SNTG1: variants seen among roughly 807,000 people sequenced by gnomAD.
SNTG1 encodes syntrophin gamma 1.
SNTG1 carries 39 observed loss-of-function variants against 74.7 expected under a neutral mutation model. The ratio of observed to expected loss-of-function variants is 0.52; its 90% CI spans 0.40 to 0.68. The LOEUF (loss-of-function observed/expected upper bound fraction) is 0.68, where lower values mean the gene tolerates loss of function less well. Among genes scored for constraint, SNTG1 ranks in the 30% least tolerant of loss-of-function variants. The pLI, the probability that SNTG1 is intolerant of heterozygous loss-of-function variation, is 0.00. For synonymous variants in SNTG1, 254 were observed against 217.1 expected, an observed-to-expected ratio of 1.17 and a Z score of -1.49; for missense variants, 685 against 609.5, an observed-to-expected ratio of 1.12 and a Z score of -1.30.
intron 18 of SNTG1, among the ~76,000 whole-genome samples, chr8:50,787,026 T>C (rs1231992626): frequency 4.6e-5 from 7 of 151,804 alleles, no homozygotes; most frequent in African/African-American, 1.4e-4. Flanking sequence ...TGCTGAGTAA[T>C]ACTATAAAAA....
chr8:50,236,116 A>C (rs1486617696), intron 2 of SNTG1, among the ~76,000 whole-genome samples: 1 of 152,120 alleles, frequency 6.6e-6, no homozygotes, highest in Non-Finnish European at 1.5e-5. Flanking sequence ...AAGATGGTAC[A>C]ATTTTATCTG....
At chr8:49,942,987 T>C (rs7828900) in intron 1 of SNTG1, among the ~76,000 whole-genome samples, 15,258 of 152,246 alleles carry the variant, frequency 0.1, 1,090 homozygotes, top group South Asian at 0.2. Context: ...TTGCAATTTC[T>C]CTTCATAAGA....
chr8:50,787,416 CT>C (rs2095678872), intron 18 of SNTG1, among the ~76,000 whole-genome samples: 2 of 151,784 alleles, frequency 1.3e-5, no homozygotes, highest in Non-Finnish European at 2.9e-5. Flanking sequence ...AATGTGGTAA[CT>C]CATTTAAACA....
rs1269287734 is a variant in SNTG1, at chr8:50,525,216, TATA to T, written c.467-4958_467-4956del. 2.6e-5 allele frequency among the ~76,000 whole-genome samples: 4 copies of T among 152,214 alleles called. No individual in the cohort carries two copies. In the East Asian group the frequency reaches 5.8e-4, roughly 22 times the overall value. On this transcript the variant is annotated intron_variant, in intron 9 of 18. Coordinates refer to ENST00000642720, the MANE Select transcript of SNTG1 (RefSeq NM_018967.5). ...ATATATCATCCCACTCCTTTCTCCC[TATA>T]ATGTTTCTGCTGAGAAATGTGTTGA...
At chr8:50,657,304 T>A (rs2095189034) in intron 14 of SNTG1, among the ~76,000 whole-genome samples, 1 of 152,056 alleles carries the variant, frequency 6.6e-6, no homozygotes, top group African/African-American at 2.4e-5. Context: ...CATGACGACA[T>A]GGGAAAGGAG....
At chr8:50,789,099 GCTTGTAGTAGA>G (rs2095684017) in intron 18 of SNTG1, among the ~76,000 whole-genome samples, 1 of 151,910 alleles carries the variant, frequency 6.6e-6, no homozygotes, top group African/African-American at 2.4e-5. Flanking sequence ...AAGAGAAGCT[GCTTGTAGTAGA>G]CTTGCCTGTA....
chr8:50,492,475 A>G (rs897306045), intron 8 of SNTG1, among the ~76,000 whole-genome samples: 3 of 152,160 alleles, frequency 2.0e-5, no homozygotes, highest in African/African-American at 7.2e-5. Flanking sequence ...TTTAATTTGC[A>G]TTTCTCTAAT....
intron 2 of SNTG1, among the ~76,000 whole-genome samples, chr8:50,392,224 T>A (rs2092671957): frequency 6.6e-6 from 1 of 152,102 alleles, no homozygotes; most frequent in Admixed American, 6.5e-5. Context: ...GAAGAAAAAA[T>A]TACAACAATT....
Position 50,042,484 on chromosome 8 carries a change from C to T in SNTG1, c.-102-130077C>T, listed in dbSNP as rs113878657. On this transcript the variant is annotated intron_variant, in intron 1 of 18. Coordinates refer to ENST00000642720, the MANE Select transcript of SNTG1 (RefSeq NM_018967.5). ...ACTGAGGTAGGAGGAAAGCTTTGGCCTAGGAATTTGAGGTTGCAGTGAACC... is the reference window on the plus strand; with the variant it reads ...ACTGAGGTAGGAGGAAAGCTTTGGCTTAGGAATTTGAGGTTGCAGTGAACC... Among the ~76,000 whole-genome samples, 12 of 152,254 alleles carry T rather than the reference C, an allele frequency of 7.9e-5. 1 individual carries two copies. The highest frequency in any genetic ancestry group is 2.4e-4 in the African/African-American group (10 of 41,554).
intron 1 of SNTG1, among the ~76,000 whole-genome samples, chr8:49,957,844 T>C (rs974050040): frequency 2.6e-5 from 4 of 152,108 alleles, no homozygotes; most frequent in African/African-American, 7.2e-5. Context: ...TGTGTGCCTG[T>C]AGTCCCAGCT....
intron 2 of SNTG1, among the ~76,000 whole-genome samples, chr8:50,390,151 C>A (rs899526596): frequency 2.0e-5 from 3 of 151,594 alleles, no homozygotes; most frequent in Non-Finnish European, 4.4e-5. Flanking sequence ...GATATGAAGT[C>A]CTTGTCCATG....
At chr8:50,227,161 C>T (rs965417799) in intron 2 of SNTG1, among the ~76,000 whole-genome samples, 1 of 152,038 alleles carries the variant, frequency 6.6e-6, no homozygotes. Flanking sequence ...ATTTGGAGAT[C>T]GACAGTCAAG....
intron 2 of SNTG1, among the ~76,000 whole-genome samples, chr8:50,208,954 C>G (rs1294477399): frequency 6.6e-6 from 1 of 152,098 alleles, no homozygotes; most frequent in African/African-American, 2.4e-5. Flanking sequence ...CTGGGAAGTG[C>G]AAGGGGTCTG....
chr8:49,959,784 G>T (rs1366260102), intron 1 of SNTG1, among the ~76,000 whole-genome samples: 1 of 152,132 alleles, frequency 6.6e-6, no homozygotes, highest in East Asian at 1.9e-4. Flanking sequence ...GTGTAGAGAA[G>T]TATGCTATAA....
At chr8:50,117,926 G>T (rs967593482) in intron 1 of SNTG1, among the ~76,000 whole-genome samples, 10 of 152,138 alleles carry the variant, frequency 6.6e-5, no homozygotes, top group Non-Finnish European at 2.9e-5. Context: ...GCTGAAGTGT[G>T]CTGAGTTCCC....
chr8:50,059,085 A>T (rs1161741149), intron 1 of SNTG1, among the ~76,000 whole-genome samples: 1 of 152,008 alleles, frequency 6.6e-6, no homozygotes, highest in Non-Finnish European at 1.5e-5. Flanking sequence ...CAGTTCATTC[A>T]TTTTTTATTT....
chr8:50,164,631 C>T (rs2082549125), intron 1 of SNTG1, among the ~76,000 whole-genome samples: 1 of 151,962 alleles, frequency 6.6e-6, no homozygotes. Context: ...TTTATTTGTC[C>T]CTTGTTTTCT....
intron 2 of SNTG1, among the ~76,000 whole-genome samples, chr8:50,225,822 T>C (rs2085299895): frequency 6.6e-6 from 1 of 152,224 alleles, no homozygotes; most frequent in Admixed American, 6.5e-5. Context: ...GTATTCTTAA[T>C]CAGTAGAGCC....
intron 2 of SNTG1, among the ~76,000 whole-genome samples, chr8:50,391,909 A>G (rs772977470): frequency 1.3e-5 from 2 of 152,168 alleles, no homozygotes; most frequent in Non-Finnish European, 2.9e-5. Context: ...ATCCCAATGG[A>G]AGAATATCTT....
Sources: allele counts gnomAD v4.1 joint callset (sites outside exome capture counted in the v4.1 genomes callset), GRCh38; gene constraint gnomAD v4.1.1; transcripts MANE v1.5; gene names NCBI Gene and HGNC (gene_info 2026-07-23, HGNC 2026-07-21).